Variants in ARHGEF28 observed in about 807,000 individuals in gnomAD.
ARHGEF28 encodes the protein 190 kDa guanine nucleotide exchange factor.
Under a neutral mutation model 206.6 loss-of-function variants are expected in ARHGEF28, and 152 were observed. That is an observed-to-expected ratio of 0.74 (90% CI 0.64 to 0.84). ARHGEF28 has a LOEUF of 0.84. Among genes scored for constraint, ARHGEF28 ranks in the 40% least tolerant of loss-of-function variants. ARHGEF28 has a pLI of 0.00. For missense variants in ARHGEF28, 2,028 were observed against 2,073.2 expected (o/e 0.98, Z 0.42); for synonymous variants, 763 against 776.4 (o/e 0.98, Z 0.29).
intron 2 of ARHGEF28, among the ~76,000 whole-genome samples, chr5:73,706,343 CAAAACAACAACAACA>C (rs1748930663): frequency 6.6e-6 from 1 of 151,254 alleles, no homozygotes; most frequent in South Asian, 2.1e-4. Flanking sequence ...GACTCTGTCT[CAAAACAACAACAACA>C]AAAACAACAA....
intron 9 of ARHGEF28, among the ~76,000 whole-genome samples, chr5:73,809,691 G>T (rs1755727655): frequency 6.6e-6 from 1 of 152,192 alleles, no homozygotes; most frequent in African/African-American, 2.4e-5. Flanking sequence ...TTTCCTTTCT[G>T]TGTGGGTCTT....
intron 1 of ARHGEF28, among the ~76,000 whole-genome samples, chr5:73,645,032 A>G (rs771619489): frequency 3.9e-5 from 6 of 152,220 alleles, no homozygotes; most frequent in Admixed American, 1.3e-4. Context: ...GAGGGCTCCT[A>G]TTAACATTTC....
chr5:73,632,228 GT>G (rs1743416505), intron 1 of ARHGEF28, among the ~76,000 whole-genome samples: 1 of 152,302 alleles, frequency 6.6e-6, no homozygotes, highest in East Asian at 1.9e-4. Flanking sequence ...GGAGGGCAAA[GT>G]TTGCTCAGGA....
At chr5:73,885,603 A>G (rs1761230794) in intron 24 of ARHGEF28, among the ~76,000 whole-genome samples, 1 of 151,348 alleles carries the variant, frequency 6.6e-6, no homozygotes, top group Non-Finnish European at 1.5e-5. Flanking sequence ...AAGCCTCTTG[A>G]GTAGCTGGGA....
chr5:73,677,365 A>G (rs1307995038), intron 1 of ARHGEF28, among the ~76,000 whole-genome samples: 1 of 152,238 alleles, frequency 6.6e-6, no homozygotes, highest in Non-Finnish European at 1.5e-5. Flanking sequence ...AATATTGAGC[A>G]AGGTGCCTGA....
At chr5:73,784,935 T>G (rs562492713) in intron 7 of ARHGEF28, among the ~76,000 whole-genome samples, 84 of 152,286 alleles carry the variant, frequency 5.5e-4, no homozygotes, top group Non-Finnish European at 1.1e-3. Flanking sequence ...ATCTGATAAC[T>G]AAGAGCTACT....
chr5:73,894,493 T>TC lies in ARHGEF28; in HGVS notation c.3760dup (p.Leu1254ProfsTer8). The TC allele has an allele frequency of 6.2e-7, 1 of 1,613,954 alleles. No homozygotes were observed. Among genetic ancestry groups the TC allele is most frequent in the Non-Finnish European group, 8.5e-7 (1 of 1,179,880 alleles). ...AACTGAGCGGATTTGAGGACGTCCA[T>TC]CTAGAGCCCCACCTCCTTATTAAAC... On this transcript the variant is annotated frameshift_variant, in exon 29 of 36. Transcript: ENST00000513042. LOFTEE classifies it high-confidence loss of function.
intron 27 of ARHGEF28, among the ~76,000 whole-genome samples, chr5:73,892,465 G>C (rs927992970): frequency 6.6e-6 from 1 of 152,000 alleles, no homozygotes; most frequent in African/African-American, 2.4e-5. Context: ...ATGCAGCTCG[G>C]GCCTCCCCTC....
Position 73,773,900 on chromosome 5 carries a change from G to T in ARHGEF28, c.521G>T (p.Gly174Val). The change falls in exon 5 of 36, where the codon GGC becomes GTC. Residue 174 changes from glycine to valine, a missense_variant. By Grantham distance (109) the Gly-to-Val change is moderately radical. Transcript: ENST00000513042. ...ESLLHLAMRW[G>V]LAKLSQFFLC... ...CTTCTACACCTGGCTATGAGATGGG[G>T]CCTGGCTAAACTTTCCCAGTTCTTC... is the stretch of plus-strand genomic sequence containing the variant. The T allele has an allele frequency of 1.2e-6, 2 of 1,608,900 alleles. No individual in the cohort carries two copies. The highest frequency in any genetic ancestry group is 1.7e-6 in the Non-Finnish European group (2 of 1,177,548).
chr5:73,791,202 G>A (rs1754461735), intron 7 of ARHGEF28, among the ~76,000 whole-genome samples: 1 of 152,210 alleles, frequency 6.6e-6, no homozygotes, highest in Non-Finnish European at 1.5e-5. Flanking sequence ...CTTGGTGCTG[G>A]GGATACAAGG....
At chr5:73,916,362 G>T (rs543667323) in intron 35 of ARHGEF28, among the ~76,000 whole-genome samples, 2 of 152,172 alleles carry the variant, frequency 1.3e-5, no homozygotes, top group African/African-American at 2.4e-5. Context: ...TGAAGAGGGG[G>T]AATGTATTTG....
intron 1 of ARHGEF28, among the ~76,000 whole-genome samples, chr5:73,650,297 T>C (rs1313373919): frequency 1.4e-5 from 2 of 147,444 alleles, no homozygotes; most frequent in African/African-American, 2.5e-5. Context: ...TTTTTTTTTT[T>C]TTTTTTAGAC....
At chr5:73,911,780 TG>T in intron 35 of ARHGEF28, 1 of 577,774 alleles carries the variant, frequency 1.7e-6, no homozygotes, top group Non-Finnish European at 3.1e-6. Flanking sequence ...AGTGAGACCA[TG>T]GTCATAGGGC....
At chr5:73,887,487 A>G (rs1761373062) in intron 25 of ARHGEF28, 116 bp from the exon 26 acceptor site, 5 of 747,254 alleles carry the variant, frequency 6.7e-6, no homozygotes, top group Non-Finnish European at 1.1e-5. Flanking sequence ...CTATCATAAT[A>G]CAGGTATTTT....
chr5:73,775,244 C>T (rs191221569), intron 5 of ARHGEF28, among the ~76,000 whole-genome samples: 27 of 152,304 alleles, frequency 1.8e-4, no homozygotes, highest in Admixed American at 6.5e-4. Flanking sequence ...GTGTCCAAGA[C>T]GAGAAGATAC....
chr5:73,921,480 T>G (rs947444076), intron 35 of ARHGEF28, among the ~76,000 whole-genome samples: 1 of 152,240 alleles, frequency 6.6e-6, no homozygotes, highest in Non-Finnish European at 1.5e-5. Flanking sequence ...GGATAAGATA[T>G]TAATTCAGTT....
intron 9 of ARHGEF28, among the ~76,000 whole-genome samples, chr5:73,798,330 A>AT (rs375072412): frequency 6.6e-5 from 10 of 150,858 alleles, no homozygotes; most frequent in South Asian, 2.1e-4. Context: ...CATTCTTTCC[A>AT]TTTTTTTTTG....
At chr5:73,843,166 T>C (rs1301149886) in intron 11 of ARHGEF28, among the ~76,000 whole-genome samples, 2 of 152,172 alleles carry the variant, frequency 1.3e-5, no homozygotes, top group Non-Finnish European at 2.9e-5. Context: ...CTGATCATGG[T>C]CTTGTCTTGG....
chr5:73,907,158 G>T (rs954857110), intron 33 of ARHGEF28, among the ~76,000 whole-genome samples: 1 of 152,188 alleles, frequency 6.6e-6, no homozygotes, highest in Non-Finnish European at 1.5e-5. Flanking sequence ...AATGTATCAT[G>T]TAAGACAACT....
Sources: gnomAD v4.1 joint callset for allele counts (sites outside exome capture counted in the v4.1 genomes callset) on GRCh38, gnomAD v4.1.1 for gene constraint, MANE v1.5 for transcripts, NCBI Gene and HGNC (gene_info 2026-07-23, HGNC 2026-07-21) for gene names.